PALM2AKAP2: variants seen among roughly 807,000 people sequenced by gnomAD.
PALM2AKAP2 encodes PALM2 and AKAP2 fusion.
PALM2AKAP2 carries 37 observed loss-of-function variants against 71.5 expected under a neutral mutation model. The ratio of observed to expected loss-of-function variants is 0.52; its 90% CI spans 0.40 to 0.68. PALM2AKAP2 has a LOEUF of 0.68. PALM2AKAP2 is among the 30% of genes least tolerant of loss of function. The probability of loss-of-function intolerance (pLI) is 0.00; values close to 1 mark genes in which losing one functional copy is unlikely to be tolerated. For synonymous variants in PALM2AKAP2, 468 were observed against 478.8 expected (o/e 0.98, Z 0.29); for missense variants, 1,224 against 1,191.8 (o/e 1.03, Z -0.40).
At chr9:110,061,076 T>C (rs1332340999) in intron 1 of PALM2AKAP2, among the ~76,000 whole-genome samples, 1 of 152,184 alleles carries the variant, frequency 6.6e-6, no homozygotes, top group African/African-American at 2.4e-5. Flanking sequence ...CCTTGTCACG[T>C]CTCATGAACT....
At chr9:109,793,709 C>A (rs554384913) in intron 1 of PALM2AKAP2, among the ~76,000 whole-genome samples, 3 of 152,312 alleles carry the variant, frequency 2.0e-5, no homozygotes, top group Non-Finnish European at 4.4e-5. Context: ...CAAATTCAGC[C>A]TGCAGCCTCT....
At chr9:110,042,860 T>C (rs1398810144) in intron 7 of PALM2AKAP2, among the ~76,000 whole-genome samples, 1 of 152,208 alleles carries the variant, frequency 6.6e-6, no homozygotes, top group Non-Finnish European at 1.5e-5. Context: ...TCAGAGTAAA[T>C]TGGGCATCCA....
At chr9:109,659,103 T>C (rs977335763) in intron 1 of PALM2AKAP2, among the ~76,000 whole-genome samples, 1 of 152,074 alleles carries the variant, frequency 6.6e-6, no homozygotes, top group Non-Finnish European at 1.5e-5. Flanking sequence ...CAAATACATA[T>C]TTCATATCCT....
chr9:109,703,749 A>G (rs1231855502), intron 1 of PALM2AKAP2, among the ~76,000 whole-genome samples: 1 of 142,420 alleles, frequency 7.0e-6, no homozygotes, highest in Non-Finnish European at 1.6e-5. Flanking sequence ...TAAACTTTAG[A>G]TATATCAGTT....
intron 1 of PALM2AKAP2, among the ~76,000 whole-genome samples, chr9:109,774,379 G>GCCTACA (rs1829319979): frequency 1.3e-5 from 2 of 152,176 alleles, no homozygotes; most frequent in African/African-American, 2.4e-5. Context: ...ATGTAGGCAT[G>GCCTACA]TAGCTCTCTT....
intron 1 of PALM2AKAP2, among the ~76,000 whole-genome samples, chr9:109,772,616 G>A (rs1358851357): frequency 6.6e-6 from 1 of 152,214 alleles, no homozygotes; most frequent in Non-Finnish European, 1.5e-5. Flanking sequence ...AGAATGTGGG[G>A]CTGTTGGTCT....
At chr9:109,960,079 C>T (rs563498257) in intron 6 of PALM2AKAP2, among the ~76,000 whole-genome samples, 1 of 152,272 alleles carries the variant, frequency 6.6e-6, no homozygotes, top group South Asian at 2.1e-4. Flanking sequence ...CCCACTGATT[C>T]CCAACATAAA....
At chr9:109,823,525 G>T (rs1436446741) in intron 1 of PALM2AKAP2, among the ~76,000 whole-genome samples, 1 of 152,224 alleles carries the variant, frequency 6.6e-6, no homozygotes, top group Admixed American at 6.5e-5. Context: ...ATGGGAGGGG[G>T]ATAGGTGTGT....
intron 6 of PALM2AKAP2, among the ~76,000 whole-genome samples, chr9:109,972,922 C>G (rs2132161387): frequency 6.6e-6 from 1 of 152,292 alleles, no homozygotes; most frequent in East Asian, 1.9e-4. Context: ...TCATATAAAT[C>G]TTTCACCTTT....
intron 3 of PALM2AKAP2, 60 bp from the exon 11 acceptor site, chr9:110,168,339 G>A (rs1438398162): frequency 2.7e-5 from 43 of 1,568,312 alleles, no homozygotes; most frequent in South Asian, 1.9e-4. Flanking sequence ...CAGAGAAGTC[G>A]GTTTATGTTC....
At chr9:109,929,175 T>G (rs1346067504) in intron 5 of PALM2AKAP2, among the ~76,000 whole-genome samples, 1 of 148,512 alleles carries the variant, frequency 6.7e-6, no homozygotes, top group Non-Finnish European at 1.5e-5. Flanking sequence ...AGTAGTTTTT[T>G]TTTTTTTGTT....
chr9:109,799,545 G>A (rs1269024315), intron 1 of PALM2AKAP2, among the ~76,000 whole-genome samples: 1 of 152,198 alleles, frequency 6.6e-6, no homozygotes, highest in Non-Finnish European at 1.5e-5. Context: ...CCAGGCTGGA[G>A]TGCAGTGGCA....
At chr9:109,789,811 C>T (rs1286084931) in intron 1 of PALM2AKAP2, among the ~76,000 whole-genome samples, 2 of 152,182 alleles carry the variant, frequency 1.3e-5, no homozygotes, top group Non-Finnish European at 2.9e-5. Context: ...GTTGGAGCTA[C>T]AGTGCCCTTG....
At chr9:109,789,541 A>G (rs1827054112) in intron 1 of PALM2AKAP2, among the ~76,000 whole-genome samples, 1 of 152,162 alleles carries the variant, frequency 6.6e-6, no homozygotes, top group Non-Finnish European at 1.5e-5. Flanking sequence ...GCATTTTTTG[A>G]GCTAACCCTT....
intron 6 of PALM2AKAP2, among the ~76,000 whole-genome samples, chr9:109,987,645 A>G (rs1190065383): frequency 2.0e-5 from 3 of 152,230 alleles, no homozygotes; most frequent in Admixed American, 6.5e-5. Flanking sequence ...AGAAAACAAT[A>G]TAATTGCCCA....
At chr9:109,695,503 G>A (rs1245543760) in intron 1 of PALM2AKAP2, among the ~76,000 whole-genome samples, 6 of 152,122 alleles carry the variant, frequency 3.9e-5, no homozygotes, top group Non-Finnish European at 7.4e-5. Flanking sequence ...ACTGTGGTGA[G>A]AGGGTATCTT....
At chr9:109,802,972 C>G (rs1267966106) in intron 1 of PALM2AKAP2, among the ~76,000 whole-genome samples, 3 of 152,208 alleles carry the variant, frequency 2.0e-5, no homozygotes, top group Non-Finnish European at 4.4e-5. Context: ...AGATGCCAGT[C>G]TCTTAGCCTC....
chr9:109,939,162 T>G (rs888438820), intron 6 of PALM2AKAP2, among the ~76,000 whole-genome samples: 2 of 152,274 alleles, frequency 1.3e-5, no homozygotes, highest in Non-Finnish European at 2.9e-5. Context: ...CACAAAATAC[T>G]CCTTCTCTAT....
rs146558380 is a variant in PALM2AKAP2, at chr9:109,971,705, C to T, written c.496+39677C>T. On this transcript the variant is annotated intron_variant, in intron 6 of 9. Coordinates refer to the PALM2AKAP2 transcript ENST00000302798. Reference sequence around the variant, plus strand: ...CCTCCCAGAGTGCTGGGATTACAGGCGTGAGCCACCGCGCCCAGCCAAGAT... The same window carrying T: ...CCTCCCAGAGTGCTGGGATTACAGGTGTGAGCCACCGCGCCCAGCCAAGAT... 2.8e-3 allele frequency among the ~76,000 whole-genome samples: 434 copies of T among 152,286 alleles called. 1 individual carries two copies. The highest frequency in any genetic ancestry group is 0.01 in the African/African-American group (425 of 41,556).
Sources: allele counts gnomAD v4.1 joint callset (sites outside exome capture counted in the v4.1 genomes callset), GRCh38; gene constraint gnomAD v4.1.1; transcripts MANE v1.5; gene names NCBI Gene and HGNC (gene_info 2026-07-23, HGNC 2026-07-21).